The following MICAL3 variants were observed in gnomAD, a reference collection of about 807,000 sequenced individuals.
MICAL3 encodes [F-actin]-monooxygenase MICAL3.
A neutral mutation model predicts 207.4 loss-of-function variants in MICAL3; 62 were observed. That is an observed-to-expected ratio of 0.30 (90% confidence interval 0.24 to 0.37). MICAL3 has a LOEUF of 0.37. MICAL3 is among the 10% of genes least tolerant of loss of function. MICAL3 has a pLI of 1.00. For synonymous variants in MICAL3, 1,077 were observed against 1,069.3 expected (o/e 1.01, Z -0.14); for missense variants, 2,368 against 2,635.6 (o/e 0.90, Z 2.22).
At chr22:17,833,425 C>T (rs182969631) in intron 20 of MICAL3, among the ~76,000 whole-genome samples, 213 of 152,346 alleles carry the variant, frequency 1.4e-3, no homozygotes, top group Non-Finnish European at 2.2e-3. Context: ...TGACCTCCTG[C>T]GAGGGTGTGT....
intron 29 of MICAL3, among the ~76,000 whole-genome samples, chr22:17,806,570 A>T (rs188355544): frequency 1.1e-4 from 16 of 152,244 alleles, no homozygotes; most frequent in African/African-American, 3.6e-4. Flanking sequence ...CCAACCAAAT[A>T]AAAAAAACCA....
chr22:17,965,334 G>T (rs1110664), intron 1 of MICAL3, among the ~76,000 whole-genome samples: 7,911 of 152,236 alleles, frequency 0.052, 391 homozygotes, highest in African/African-American at 0.13. Flanking sequence ...TGGCACAAGG[G>T]TGCCTATAAT....
chr22:17,913,357 C>A (rs1932258325), intron 1 of MICAL3, among the ~76,000 whole-genome samples: 1 of 152,160 alleles, frequency 6.6e-6, no homozygotes. Context: ...TGGAGCCCAG[C>A]AGCTCTGTAC....
At chr22:17,846,374 A>C (rs1170532497) in intron 19 of MICAL3, among the ~76,000 whole-genome samples, 1 of 149,360 alleles carries the variant, frequency 6.7e-6, no homozygotes, top group African/African-American at 2.5e-5. Context: ...CCAGCCCTTC[A>C]CCTCAAAATA....
intron 1 of MICAL3, chr22:18,020,236 T>G (rs1025468716): frequency 1.3e-5 from 2 of 153,006 alleles, no homozygotes; most frequent in Non-Finnish European, 2.9e-5. Flanking sequence ...ACTGGGAATA[T>G]CTTCCACCTG....
chr22:17,969,211 C>T (rs5992929), intron 1 of MICAL3, among the ~76,000 whole-genome samples: 40,804 of 151,942 alleles, frequency 0.27, 5,799 homozygotes, highest in African/African-American at 0.31. Flanking sequence ...AGCTAATTTT[C>T]TGTATTTTTA....
At chr22:17,884,494 G>C in intron 16 of MICAL3, 1 of 632,558 alleles carries the variant, frequency 1.6e-6, no homozygotes, top group Non-Finnish European at 2.7e-6. Flanking sequence ...GGAAGAGGGG[G>C]ACTCATTCTT....
intron 1 of MICAL3, among the ~76,000 whole-genome samples, chr22:17,969,565 T>C (rs1935309148): frequency 6.6e-6 from 1 of 152,220 alleles, no homozygotes; most frequent in Non-Finnish European, 1.5e-5. Context: ...CTGCCACCTT[T>C]ATTCCTTTTT....
rs774396658 is a variant in MICAL3, at chr22:17,900,977, G to C, written c.712C>G (p.Arg238Gly). 1 of 1,613,808 alleles carries C rather than the reference G, an allele frequency of 6.2e-7. No individual in the cohort carries two copies. Among genetic ancestry groups the C allele is most frequent in the Non-Finnish European group, 8.5e-7 (1 of 1,179,848 alleles). ...GTGATGGCGATGGCCAGTTTGCCAC[G>C]GAATTCTTTCCGACGAAACCCTGGA... ...TLEGFRRKEF[R>G]GKLAIAITAN... is the part of the protein sequence containing the mutation. The change falls in exon 6 of 32, where the codon CGT becomes GGT. Residue 238 changes from arginine to glycine, a missense_variant. Transcript: ENST00000441493. This position sits in a 1 kb window ranked among gnomAD's most constrained non-coding sequence, Gnocchi z 4.0.
chr22:17,945,057 A>G (rs1328775063), intron 1 of MICAL3, among the ~76,000 whole-genome samples: 2 of 150,404 alleles, frequency 1.3e-5, no homozygotes, highest in African/African-American at 4.9e-5. Context: ...AATTAAGATC[A>G]AGCCAATAAA....
intron 29 of MICAL3, among the ~76,000 whole-genome samples, chr22:17,798,762 C>T (rs1041306372): frequency 1.3e-5 from 2 of 151,382 alleles, no homozygotes; most frequent in Non-Finnish European, 2.9e-5. Context: ...CAAGCTCCGC[C>T]TCCCGGGTTC....
At chr22:17,994,880 C>A (rs1258079273) in intron 1 of MICAL3, among the ~76,000 whole-genome samples, 1 of 152,098 alleles carries the variant, frequency 6.6e-6, no homozygotes, top group Admixed American at 6.5e-5. Context: ...GTTAACCAGA[C>A]CGAATCTCCT....
intron 1 of MICAL3, among the ~76,000 whole-genome samples, chr22:18,014,317 A>G (rs1164297467): frequency 6.6e-6 from 1 of 152,230 alleles, no homozygotes. Flanking sequence ...GCACTAAGAC[A>G]CTAAATATTT....
intron 16 of MICAL3, among the ~76,000 whole-genome samples, chr22:17,878,380 G>T (rs1353731223): frequency 1.3e-5 from 2 of 152,150 alleles, no homozygotes; most frequent in Non-Finnish European, 2.9e-5. Context: ...TGGAAAGGGG[G>T]TGGGAAAGAC....
At chr22:17,856,334 G>T (rs958172786) in intron 19 of MICAL3, among the ~76,000 whole-genome samples, 1 of 152,184 alleles carries the variant, frequency 6.6e-6, no homozygotes, top group Non-Finnish European at 1.5e-5. Context: ...CCTAAGCATG[G>T]TCTTTTGAGC....
At chr22:17,873,866 C>A (rs1015340275) in intron 16 of MICAL3, among the ~76,000 whole-genome samples, 1 of 152,244 alleles carries the variant, frequency 6.6e-6, no homozygotes, top group African/African-American at 2.4e-5. Flanking sequence ...GATGGCCACA[C>A]CACCATGTGG....
chr22:17,824,802 G>A (rs1922002179), intron 22 of MICAL3, among the ~76,000 whole-genome samples: 1 of 152,212 alleles, frequency 6.6e-6, no homozygotes, highest in South Asian at 2.1e-4. Flanking sequence ...AAACCTCGGT[G>A]TGAGAACACT....
intron 22 of MICAL3, among the ~76,000 whole-genome samples, chr22:17,824,714 G>A (rs143066040): frequency 3.3e-5 from 5 of 152,300 alleles, no homozygotes; most frequent in Admixed American, 2.0e-4. Flanking sequence ...GTTGCTGGCC[G>A]TGCCAAATGC....
At chr22:18,003,675 C>A (rs79637342) in intron 1 of MICAL3, among the ~76,000 whole-genome samples, 3 of 152,162 alleles carry the variant, frequency 2.0e-5, no homozygotes, top group Non-Finnish European at 4.4e-5. Flanking sequence ...TCAGCTCCAT[C>A]TTCTTTAGTT....
Sources: allele counts gnomAD v4.1 joint callset (sites outside exome capture counted in the v4.1 genomes callset), GRCh38; gene constraint gnomAD v4.1.1; non-coding constraint Gnocchi (gnomAD v3.1); transcripts MANE v1.5; gene names NCBI Gene and HGNC (gene_info 2026-07-23, HGNC 2026-07-21).